AGBL4: variants seen among roughly 807,000 people sequenced by gnomAD.
AGBL4 encodes the protein AGBL carboxypeptidase 4.
AGBL4 carries 58 observed loss-of-function variants against 66.4 expected under a neutral mutation model. The observed-to-expected ratio is 0.87, with a 90% CI of 0.71 to 1.09. AGBL4 has a LOEUF of 1.09. Ranked by LOEUF, AGBL4 falls within the 50% of genes least tolerant of loss-of-function variation. The probability of loss-of-function intolerance (pLI) is 0.00; values close to 1 mark genes in which losing one functional copy is unlikely to be tolerated. For missense variants in AGBL4, 579 were observed against 631.0 expected, an observed-to-expected ratio of 0.92 and a Z score of 0.88; for synonymous variants, 234 against 222.9, an observed-to-expected ratio of 1.05 and a Z score of -0.44.
intron 6 of AGBL4, among the ~76,000 whole-genome samples, chr1:48,713,896 T>G (rs961389726): frequency 6.6e-6 from 1 of 152,208 alleles, no homozygotes; most frequent in African/African-American, 2.4e-5. Context: ...AACATAAGAC[T>G]GTGCAATAGA....
intron 2 of AGBL4, among the ~76,000 whole-genome samples, chr1:49,818,948 GC>G (rs1438791457): frequency 6.6e-6 from 1 of 152,108 alleles, no homozygotes; most frequent in Non-Finnish European, 1.5e-5. Flanking sequence ...AAGAGTCCAG[GC>G]CTTTGATTTG....
chr1:49,684,554 A>T (rs901130845), intron 3 of AGBL4, among the ~76,000 whole-genome samples: 3 of 152,164 alleles, frequency 2.0e-5, no homozygotes, highest in Non-Finnish European at 4.4e-5. Flanking sequence ...ACAAGTAACC[A>T]TGTCATGTCA....
chr1:49,435,051 C>T (rs566130103), intron 3 of AGBL4, among the ~76,000 whole-genome samples: 1 of 152,172 alleles, frequency 6.6e-6, no homozygotes, highest in South Asian at 2.1e-4. Context: ...TATGATTAAC[C>T]TTAGAAAATG....
At chr1:48,955,017 C>T (rs1437777755) in intron 5 of AGBL4, among the ~76,000 whole-genome samples, 4 of 152,022 alleles carry the variant, frequency 2.6e-5, no homozygotes, top group East Asian at 3.8e-4. Flanking sequence ...TGCACAGGGG[C>T]GTAAAGCTAT....
At chr1:48,586,977 C>T (rs761834505) in intron 11 of AGBL4, 27 bp downstream of exon 11, 35 of 1,608,822 alleles carry the variant, frequency 2.2e-5, no homozygotes, top group Non-Finnish European at 3.0e-5. Flanking sequence ...GAGGGCTGGC[C>T]CAAGGCTGGG....
chr1:49,172,584 G>T (rs915893432), intron 4 of AGBL4, among the ~76,000 whole-genome samples: 3 of 152,176 alleles, frequency 2.0e-5, no homozygotes, highest in Admixed American at 6.5e-5. Context: ...AAAGGACATT[G>T]TGAGCAGAGC....
At chr1:49,256,891 G>C (rs1015708221) in intron 3 of AGBL4, among the ~76,000 whole-genome samples, 81 of 152,224 alleles carry the variant, frequency 5.3e-4, no homozygotes, top group African/African-American at 1.9e-3. Context: ...TAAATGAATG[G>C]TCCTGGATCA....
intron 3 of AGBL4, among the ~76,000 whole-genome samples, chr1:49,560,452 G>A (rs1644011199): frequency 6.6e-6 from 1 of 151,964 alleles, no homozygotes; most frequent in South Asian, 2.1e-4. Flanking sequence ...AAAAAACAAT[G>A]AAGCACACCT....
intron 1 of AGBL4, among the ~76,000 whole-genome samples, chr1:50,019,306 T>TCTCTCCCA (rs1167835143): frequency 2.1e-5 from 1 of 48,402 alleles, no homozygotes; most frequent in Non-Finnish European, 3.7e-5. Flanking sequence ...TCTCTCTCTC[T>TCTCTCCCA]CACACACACA....
chr1:49,757,084 C>T (rs540722030), intron 2 of AGBL4, among the ~76,000 whole-genome samples: 7 of 152,066 alleles, frequency 4.6e-5, no homozygotes, highest in Non-Finnish European at 1.0e-4. Flanking sequence ...GCAGTTCCCT[C>T]ATGCTGTTCT....
rs372913878 is a variant in AGBL4, at chr1:49,482,553, CTACTT to C, written c.282+214755_282+214759del. On this transcript the variant is annotated intron_variant, in intron 3 of 13. Transcript: ENST00000371839. The stretch of plus-strand genomic sequence containing the variant: ...TTTATTAGTCTAGCTAGCAGTCTAT[CTACTT>C]TATTTTTTTTTTAAACCATTTCTGG... Among the ~76,000 whole-genome samples the C allele has an allele frequency of 3.6e-5, 4 of 110,846 alleles. 1 individual carries two copies. The highest frequency in any genetic ancestry group is 1.2e-4 in the African/African-American group (4 of 32,630). 72.7% of individuals were successfully genotyped at this position (110,846 alleles called of 152,430 possible).
intron 1 of AGBL4, among the ~76,000 whole-genome samples, chr1:49,893,757 G>A (rs1270144842): frequency 1.3e-5 from 2 of 152,140 alleles, no homozygotes; most frequent in Admixed American, 6.6e-5. Flanking sequence ...TCTGCCTCCC[G>A]GACTGCATCT....
chr1:49,033,717 T>G (rs1664413425), intron 5 of AGBL4, among the ~76,000 whole-genome samples: 1 of 152,130 alleles, frequency 6.6e-6, no homozygotes, highest in African/African-American at 2.4e-5. Flanking sequence ...ATTTGCTCAA[T>G]CTGCTCCTCT....
intron 3 of AGBL4, among the ~76,000 whole-genome samples, chr1:49,583,747 C>T (rs1644592044): frequency 6.6e-6 from 1 of 152,154 alleles, no homozygotes; most frequent in African/African-American, 2.4e-5. Flanking sequence ...GTAAATTTTT[C>T]CTATTTAAAG....
At chr1:48,571,103 C>G (rs1425104241) in intron 11 of AGBL4, among the ~76,000 whole-genome samples, 1 of 152,228 alleles carries the variant, frequency 6.6e-6, no homozygotes, top group African/African-American at 2.4e-5. Flanking sequence ...CATGCATTAG[C>G]TCATTTAATT....
intron 9 of AGBL4, among the ~76,000 whole-genome samples, chr1:48,604,432 T>C (rs1015416855): frequency 5.3e-5 from 8 of 152,206 alleles, no homozygotes; most frequent in Non-Finnish European, 1.2e-4. Context: ...AAGTTGATTT[T>C]TTCTAAATAT....
chr1:49,599,550 C>G lies in AGBL4; in HGVS notation c.282+97763G>C, dbSNP rs1644914655. Among the ~76,000 whole-genome samples the G allele has an allele frequency of 2.0e-5, 3 of 151,914 alleles. No individual in the cohort carries two copies. The South Asian group carries it at 6.2e-4, about 32-fold the overall frequency. On this transcript the variant is annotated intron_variant, in intron 3 of 13. Coordinates refer to ENST00000371839, the MANE Select transcript of AGBL4 (RefSeq NM_032785.4). ...TGAGCAGTCTATCTATTTTGTTGAT[C>G]TTTTCAAAAAACCAGCTTTTAATTC...
At chr1:48,531,951 T>C (rs1402981632), downstream of AGBL4, among the ~76,000 whole-genome samples, 4 of 152,054 alleles carry the variant, frequency 2.6e-5, no homozygotes, top group Non-Finnish European at 4.4e-5. Flanking sequence ...GCCTGGCTAA[T>C]TTTTGTATTT....
At chr1:49,403,910 T>C (rs1341761465) in intron 3 of AGBL4, among the ~76,000 whole-genome samples, 1 of 152,160 alleles carries the variant, frequency 6.6e-6, no homozygotes, top group Non-Finnish European at 1.5e-5. Flanking sequence ...TTTCTCTCTG[T>C]CTTCTGATAG....
Sources: allele counts gnomAD v4.1 joint callset (sites outside exome capture counted in the v4.1 genomes callset), GRCh38; gene constraint gnomAD v4.1.1; transcripts MANE v1.5; gene names NCBI Gene and HGNC (gene_info 2026-07-23, HGNC 2026-07-21).